ZBTB20: variants seen among roughly 807,000 people sequenced by gnomAD.
ZBTB20 encodes zinc finger and BTB domain containing 20.
Under a neutral mutation model 56.9 loss-of-function variants are expected in ZBTB20, and 9 were observed. That is an observed-to-expected ratio of 0.16 (90% CI 0.10 to 0.28). The LOEUF is 0.28. Ranked by LOEUF, ZBTB20 falls within the 10% of genes least tolerant of loss-of-function variation. The probability of loss-of-function intolerance (pLI) is 1.00; values close to 1 mark genes in which losing one functional copy is unlikely to be tolerated. For missense variants in ZBTB20, 655 were observed against 1,003.0 expected (o/e 0.65, Z 4.69); for synonymous variants, 417 against 420.7 (o/e 0.99, Z 0.11).
rs548739337 is a variant in ZBTB20, at chr3:114,813,431, A to G, written c.-416-12257T>C. ...AGGATATCAACCCTGTCCCAACTTCATTACTATTTCTGCTATTAATTAACA... is the reference window on the plus strand; with the variant it reads ...AGGATATCAACCCTGTCCCAACTTCGTTACTATTTCTGCTATTAATTAACA... On this transcript the variant is annotated intron_variant, in intron 4 of 11. Coordinates refer to ENST00000675478, the MANE Select transcript of ZBTB20 (RefSeq NM_001348800.3). 2.6e-5 allele frequency among the ~76,000 whole-genome samples: 4 copies of G among 152,290 alleles called. No homozygotes were observed. In the South Asian group the frequency reaches 8.3e-4, roughly 32 times the overall value.
chr3:115,001,645 T>G (rs1259014827), intron 2 of ZBTB20, among the ~76,000 whole-genome samples: 1 of 150,954 alleles, frequency 6.6e-6, no homozygotes, highest in Non-Finnish European at 1.5e-5. Flanking sequence ...ACACCTACAC[T>G]AAAACCAAAA....
intron 3 of ZBTB20, among the ~76,000 whole-genome samples, chr3:114,961,151 A>G (rs778431248): frequency 1.1e-4 from 16 of 151,488 alleles, no homozygotes; most frequent in Non-Finnish European, 1.6e-4. Flanking sequence ...TCAATCTCTG[A>G]AAGTGTGGGT....
At chr3:114,762,599 C>G (rs766650543) in intron 5 of ZBTB20, among the ~76,000 whole-genome samples, 1 of 152,006 alleles carries the variant, frequency 6.6e-6, no homozygotes, top group Non-Finnish European at 1.5e-5. Context: ...CTGCCTGGAC[C>G]CTCAATTATT....
At chr3:114,929,156 A>G (rs962596969) in intron 3 of ZBTB20, among the ~76,000 whole-genome samples, 6 of 152,248 alleles carry the variant, frequency 3.9e-5, no homozygotes, top group African/African-American at 1.4e-4. Flanking sequence ...TGCTCCCTGC[A>G]GGGCACTAAG....
At chr3:114,453,623 T>C (rs925434663) in intron 7 of ZBTB20, 3 of 152,084 alleles carry the variant, frequency 2.0e-5, no homozygotes, top group Non-Finnish European at 4.4e-5. Context: ...AGAAGATGCA[T>C]CCTGAACAAC....
chr3:114,748,620 C>G (rs2067305004), intron 5 of ZBTB20, among the ~76,000 whole-genome samples: 1 of 151,968 alleles, frequency 6.6e-6, no homozygotes, highest in Admixed American at 6.6e-5. Context: ...CTCAATGGTC[C>G]AACTGCATAA....
chr3:114,587,819 G>C (rs962586811), intron 6 of ZBTB20, among the ~76,000 whole-genome samples: 3 of 152,158 alleles, frequency 2.0e-5, no homozygotes, highest in Admixed American at 6.5e-5. Flanking sequence ...TCACTAATTT[G>C]ATACAAAAGG....
At chr3:114,695,322 T>TAA (rs137981094) in intron 5 of ZBTB20, among the ~76,000 whole-genome samples, 1 of 150,134 alleles carries the variant, frequency 6.7e-6, no homozygotes, top group African/African-American at 2.4e-5. Context: ...ATTAAAAAAA[T>TAA]AAAAAAAAAC....
intron 1 of ZBTB20, among the ~76,000 whole-genome samples, chr3:115,139,128 T>G (rs1240039439): frequency 1.3e-5 from 2 of 152,034 alleles, no homozygotes; most frequent in African/African-American, 2.4e-5. Context: ...AGACAGTATA[T>G]TTTGGCTACG....
At chr3:115,136,515 T>C (rs1401622633) in intron 1 of ZBTB20, among the ~76,000 whole-genome samples, 2 of 151,042 alleles carry the variant, frequency 1.3e-5, no homozygotes, top group Admixed American at 6.6e-5. Context: ...GTGATGAATG[T>C]CAAAGAATTT....
chr3:114,586,532 G>A (rs917292250), intron 6 of ZBTB20, among the ~76,000 whole-genome samples: 7 of 152,194 alleles, frequency 4.6e-5, no homozygotes, highest in Non-Finnish European at 8.8e-5. Flanking sequence ...CACTTTAGCT[G>A]TTGAGAAGAG....
At chr3:114,353,294 G>T (rs2080872789) in intron 10 of ZBTB20, among the ~76,000 whole-genome samples, 1 of 152,174 alleles carries the variant, frequency 6.6e-6, no homozygotes, top group South Asian at 2.1e-4. Context: ...TAGGAAGAAG[G>T]CCTACCTCCT....
chr3:114,654,777 A>C (rs6764695), intron 6 of ZBTB20, among the ~76,000 whole-genome samples: 1 of 152,024 alleles, frequency 6.6e-6, no homozygotes, highest in Admixed American at 6.5e-5. Context: ...AGAATGTTAA[A>C]ATCTCCAATT....
intron 6 of ZBTB20, among the ~76,000 whole-genome samples, chr3:114,677,427 TCAG>T (rs2108220532): frequency 6.6e-6 from 1 of 152,210 alleles, no homozygotes; most frequent in South Asian, 2.1e-4. Flanking sequence ...TACTGTCAGA[TCAG>T]CAGCAGCATT....
At chr3:114,457,449 T>G (rs943121977) in intron 7 of ZBTB20, among the ~76,000 whole-genome samples, 3 of 152,142 alleles carry the variant, frequency 2.0e-5, no homozygotes, top group African/African-American at 4.8e-5. Context: ...TGAAAGCATA[T>G]AGCAAAGCAA....
chr3:114,504,134 G>A (rs1170794918), intron 6 of ZBTB20, among the ~76,000 whole-genome samples: 1 of 152,116 alleles, frequency 6.6e-6, no homozygotes, highest in East Asian at 1.9e-4. Context: ...GTATAAAAAA[G>A]AGTTCTAAGT....
At chr3:114,470,097 G>T (rs2039956020) in intron 7 of ZBTB20, among the ~76,000 whole-genome samples, 1 of 152,086 alleles carries the variant, frequency 6.6e-6, no homozygotes, top group Non-Finnish European at 1.5e-5. Context: ...GAAAAAGGGA[G>T]TCTCTTTTTA....
At chr3:114,353,265 A>G (rs1311504314) in intron 10 of ZBTB20, among the ~76,000 whole-genome samples, 2 of 152,172 alleles carry the variant, frequency 1.3e-5, no homozygotes, top group Admixed American at 1.3e-4. Flanking sequence ...AAGCCACCTG[A>G]GAGGTAACAG....
chr3:114,577,264 A>T (rs13088153), intron 6 of ZBTB20, among the ~76,000 whole-genome samples: 17,892 of 151,456 alleles, frequency 0.12, 1,152 homozygotes, highest in Non-Finnish European at 0.14. Context: ...ATATAAATTT[A>T]AAAAAAAAGA....
Sources: gnomAD v4.1 joint callset for allele counts (sites outside exome capture counted in the v4.1 genomes callset) on GRCh38, gnomAD v4.1.1 for gene constraint, MANE v1.5 for transcripts, NCBI Gene and HGNC (gene_info 2026-07-23, HGNC 2026-07-21) for gene names.